The following SETD7 variants were observed in gnomAD, a reference collection of about 807,000 sequenced individuals.
SETD7 encodes the protein SET domain containing 7, histone lysine methyltransferase.
SETD7 carries 16 observed loss-of-function variants against 41.8 expected under a neutral mutation model. The ratio of observed to expected loss-of-function variants is 0.38; its 90% CI spans 0.26 to 0.58. SETD7 has a LOEUF of 0.58. Ranked by LOEUF, SETD7 falls within the 20% of genes least tolerant of loss-of-function variation. The pLI is 0.64. For missense variants in SETD7, 346 were observed against 459.7 expected (o/e 0.75, Z 2.26); for synonymous variants, 163 against 169.7 (o/e 0.96, Z 0.31).
intron 1 of SETD7, among the ~76,000 whole-genome samples, chr4:139,550,005 T>C (rs914003498): frequency 2.0e-5 from 3 of 151,944 alleles, no homozygotes; most frequent in African/African-American, 4.8e-5. Flanking sequence ...GTCTCGAACT[T>C]CTGACCTCAG....
rs537454345 is a variant in SETD7 at position 139,541,970 on chromosome 4, G to C, written c.170+4950C>G. 1.3e-3 allele frequency among the ~76,000 whole-genome samples: 195 copies of C among 152,250 alleles called. 3 individuals are homozygous for C. In the South Asian group the frequency reaches 0.019, roughly 15 times the overall value. On this transcript the variant is annotated intron_variant, in intron 2 of 7. Transcript: ENST00000274031. ...TTATTGCACTATTCACAACAGCCAA[G>C]ATATGAAATCAACCCAAGTTTCCAT...
Position 139,526,629 on chromosome 4 carries a change from T to C in SETD7, c.562+2402A>G, listed in dbSNP as rs1349448481. ...AAGAAGAATGTAATAACAACTTTCA[T>C]TACAGTGTTTTATGGTAGGTGCTAA... On this transcript the variant is annotated intron_variant, in intron 4 of 7. Transcript: ENST00000274031. 2.6e-5 allele frequency among the ~76,000 whole-genome samples: 4 copies of C among 152,228 alleles called. No homozygotes were observed. In the East Asian group the frequency reaches 5.8e-4, roughly 22 times the overall value.
chr4:139,531,649 C>A (rs1164061203), intron 3 of SETD7, among the ~76,000 whole-genome samples: 1 of 152,198 alleles, frequency 6.6e-6, no homozygotes, highest in Non-Finnish European at 1.5e-5. Context: ...TTACAACATT[C>A]TTTTCTTATG....
intron 4 of SETD7, among the ~76,000 whole-genome samples, chr4:139,525,315 T>C (rs185145570): frequency 6.6e-6 from 1 of 152,310 alleles, no homozygotes; most frequent in Non-Finnish European, 1.5e-5. Context: ...GAGTGCACAC[T>C]ATCTCTTCCA....
At chr4:139,550,608 A>G (rs1728084762) in intron 1 of SETD7, among the ~76,000 whole-genome samples, 1 of 152,240 alleles carries the variant, frequency 6.6e-6, no homozygotes, top group Non-Finnish European at 1.5e-5. Context: ...ACTAGGTTGC[A>G]GTGCTCTTAC....
chr4:139,504,539 T>C (rs938378131), downstream of SETD7, among the ~76,000 whole-genome samples: 5 of 152,212 alleles, frequency 3.3e-5, no homozygotes, highest in African/African-American at 1.2e-4. Context: ...AGGCTTCTTA[T>C]TGAACAATCC....
downstream of SETD7, among the ~76,000 whole-genome samples, chr4:139,493,184 T>G (rs1560667575): frequency 1.3e-5 from 2 of 152,028 alleles, no homozygotes; most frequent in Non-Finnish European, 2.9e-5. Flanking sequence ...ACAATTTGGG[T>G]GGTAAGACAG....
intron 1 of SETD7, among the ~76,000 whole-genome samples, chr4:139,551,727 C>A (rs1211186068): frequency 6.6e-6 from 1 of 152,070 alleles, no homozygotes; most frequent in African/African-American, 2.4e-5. Context: ...CTTTAAAAAA[C>A]AACAATTAAT....
At chr4:139,524,689 C>T (rs1727273953) in intron 4 of SETD7, among the ~76,000 whole-genome samples, 2 of 152,198 alleles carry the variant, frequency 1.3e-5, no homozygotes, top group African/African-American at 2.4e-5. Context: ...CTGAAAAATG[C>T]AGGCTGCAAG....
chr4:139,500,532 G>A (rs190018052), intron 7 of SETD7, among the ~76,000 whole-genome samples: 2 of 152,110 alleles, frequency 1.3e-5, no homozygotes, highest in Non-Finnish European at 2.9e-5. Context: ...TTTTTGAGAC[G>A]GAGTCTTGCT....
chr4:139,503,180 A>G (rs1289774513), downstream of SETD7, among the ~76,000 whole-genome samples: 4 of 28,548 alleles, frequency 1.4e-4, no homozygotes, highest in Non-Finnish European at 6.7e-4. Flanking sequence ...TCTGTCTCAG[A>G]AAAAAAAAAA....
chr4:139,540,540 C>T (rs1233993476), intron 2 of SETD7, among the ~76,000 whole-genome samples: 1 of 152,186 alleles, frequency 6.6e-6, no homozygotes, highest in Non-Finnish European at 1.5e-5. Context: ...TTAACTAGGT[C>T]ACCTGGGGCA....
chr4:139,495,489 C>G (rs1726436736), downstream of SETD7, among the ~76,000 whole-genome samples: 2 of 151,954 alleles, frequency 1.3e-5, no homozygotes, highest in South Asian at 4.1e-4. Flanking sequence ...TTCTGCATGG[C>G]TGGGGAGGCC....
In SETD7 at chr4:139,509,992, T is replaced by C. The variant is rs1726824868; in HGVS notation, c.*1671A>G. ...TGCAAAGAAGGGAAGGGCAACTCTGTCAATGTGCCCAAGGGCCACCTGAAA... is the reference window on the plus strand; with the variant it reads ...TGCAAAGAAGGGAAGGGCAACTCTGCCAATGTGCCCAAGGGCCACCTGAAA... On this transcript the variant is annotated 3_prime_UTR_variant, in exon 8 of 8. Coordinates refer to ENST00000274031, the MANE Select transcript of SETD7 (RefSeq NM_030648.4). 3.5e-6 allele frequency: 2 copies of C among 578,800 alleles called. No homozygotes were observed. The highest frequency in any genetic ancestry group is 4.4e-6 in the Non-Finnish European group (2 of 458,384). 35.9% of individuals were successfully genotyped at this position (578,800 alleles called of 1,614,324 possible). A position where few individuals can be genotyped will look rare whatever the true frequency, so the allele number is the denominator to read the frequency against.
At chr4:139,502,245 T>C (rs1349687736), downstream of SETD7, among the ~76,000 whole-genome samples, 1 of 152,214 alleles carries the variant, frequency 6.6e-6, no homozygotes, top group East Asian at 1.9e-4. Context: ...CTGTCTATTC[T>C]AGAGGGAGGA....
chr4:139,534,876 T>A (rs186128850), intron 2 of SETD7, among the ~76,000 whole-genome samples: 1 of 152,328 alleles, frequency 6.6e-6, no homozygotes, highest in African/African-American at 2.4e-5. Context: ...CTGTGAATGA[T>A]CTATAATTAT....
chr4:139,540,976 G>C (rs138906681), intron 2 of SETD7, among the ~76,000 whole-genome samples: 3 of 152,140 alleles, frequency 2.0e-5, no homozygotes, highest in African/African-American at 7.2e-5. Flanking sequence ...CTCATCAGAC[G>C]GGTGACCTTG....
At chr4:139,536,599 C>T (rs1727643269) in intron 2 of SETD7, among the ~76,000 whole-genome samples, 1 of 152,012 alleles carries the variant, frequency 6.6e-6, no homozygotes, top group Non-Finnish European at 1.5e-5. Context: ...GTAATCACAG[C>T]TACTCAGGAG....
chr4:139,517,240 C>T (rs182269133), intron 7 of SETD7, among the ~76,000 whole-genome samples: 4 of 152,142 alleles, frequency 2.6e-5, no homozygotes, highest in East Asian at 3.9e-4. Context: ...TTTGGGAGGC[C>T]GAGGCTGGTG....
Sources: gnomAD v4.1 joint callset for allele counts (sites outside exome capture counted in the v4.1 genomes callset) on GRCh38, gnomAD v4.1.1 for gene constraint, MANE v1.5 for transcripts, NCBI Gene and HGNC (gene_info 2026-07-23, HGNC 2026-07-21) for gene names.